Variants in SLC39A11 observed in about 807,000 individuals in gnomAD.
The protein encoded by SLC39A11 is zinc transporter ZIP11.
In SLC39A11, 33 loss-of-function variants were observed where a neutral mutation model predicts 36.1. That is an observed-to-expected ratio of 0.91 (90% CI 0.69 to 1.22). The LOEUF is 1.22. SLC39A11 is among the 50% of genes most tolerant of loss of function. SLC39A11 has a pLI of 0.00. For synonymous variants in SLC39A11, 166 were observed against 170.3 expected, an observed-to-expected ratio of 0.97 and a Z score of 0.20; for missense variants, 432 against 430.3, an observed-to-expected ratio of 1.00 and a Z score of -0.03.
intron 5 of SLC39A11, 147 bp downstream of exon 5, chr17:72,947,605 G>T: frequency 1.7e-6 from 2 of 1,158,080 alleles, no homozygotes; most frequent in Non-Finnish European, 1.2e-6. Context: ...TTAGCTCCAT[G>T]CAGTAGTAGG....
chr17:72,866,734 A>G (rs1372668918), intron 5 of SLC39A11, among the ~76,000 whole-genome samples: 1 of 152,242 alleles, frequency 6.6e-6, no homozygotes, highest in Non-Finnish European at 1.5e-5. Flanking sequence ...AAATCTTCAG[A>G]TGGATGAATG....
intron 7 of SLC39A11, among the ~76,000 whole-genome samples, chr17:72,727,470 G>A (rs967977507): frequency 1.3e-5 from 2 of 151,864 alleles, no homozygotes; most frequent in Non-Finnish European, 2.9e-5. Context: ...TGGCTAACAC[G>A]GTGAAACCCA....
intron 6 of SLC39A11, among the ~76,000 whole-genome samples, chr17:72,809,660 T>G (rs78477499): frequency 0.015 from 2,257 of 152,304 alleles, 53 homozygotes; most frequent in African/African-American, 0.052. Flanking sequence ...ACTCTTACTT[T>G]CATTTTAACG....
intron 4 of SLC39A11, among the ~76,000 whole-genome samples, chr17:72,962,488 G>T (rs1374211806): frequency 6.6e-6 from 1 of 152,158 alleles, no homozygotes; most frequent in Non-Finnish European, 1.5e-5. Context: ...CTTCAGGCTG[G>T]TGACCTCTCT....
intron 7 of SLC39A11, among the ~76,000 whole-genome samples, chr17:72,677,442 A>G (rs570143887): frequency 1.3e-5 from 2 of 152,226 alleles, no homozygotes; most frequent in Non-Finnish European, 2.9e-5. Context: ...ACATTCTGAG[A>G]ACCCAGATCT....
At chr17:72,671,167 C>G (rs1197718660) in intron 7 of SLC39A11, among the ~76,000 whole-genome samples, 5 of 152,166 alleles carry the variant, frequency 3.3e-5, no homozygotes, top group African/African-American at 9.7e-5. Flanking sequence ...CTCAAAAGAA[C>G]AGTTGCCCAG....
intron 4 of SLC39A11, among the ~76,000 whole-genome samples, chr17:72,997,797 T>A (rs2089605526): frequency 6.6e-6 from 1 of 152,232 alleles, no homozygotes; most frequent in African/African-American, 2.4e-5. Flanking sequence ...AGTAACCGTC[T>A]TGGTTATCAG....
At chr17:72,906,899 C>A (rs1054248884) in intron 5 of SLC39A11, among the ~76,000 whole-genome samples, 2 of 152,170 alleles carry the variant, frequency 1.3e-5, no homozygotes, top group Non-Finnish European at 2.9e-5. Flanking sequence ...ACAAATCCTG[C>A]CAGCAGTGCT....
intron 6 of SLC39A11, among the ~76,000 whole-genome samples, chr17:72,785,688 G>T (rs886850069): frequency 6.6e-6 from 1 of 152,324 alleles, no homozygotes; most frequent in East Asian, 1.9e-4. Flanking sequence ...CCACCACCGG[G>T]AGGGTGGAAA....
At chr17:72,911,254 C>T (rs895614598) in intron 5 of SLC39A11, among the ~76,000 whole-genome samples, 21 of 151,870 alleles carry the variant, frequency 1.4e-4, no homozygotes, top group East Asian at 9.7e-4. Context: ...CATCACACAC[C>T]GGGGCCTGTT....
chr17:73,033,354 G>A (rs866400028), intron 3 of SLC39A11, among the ~76,000 whole-genome samples: 3 of 152,258 alleles, frequency 2.0e-5, no homozygotes, highest in Admixed American at 6.5e-5. Flanking sequence ...ACTCAATGAC[G>A]GTAGAAACAT....
chr17:72,730,999 G>A (rs1192233043), intron 7 of SLC39A11, among the ~76,000 whole-genome samples: 3 of 152,154 alleles, frequency 2.0e-5, no homozygotes, highest in Admixed American at 6.5e-5. Context: ...TGATCCGCCC[G>A]CCTCGGCCTC....
chr17:73,020,095 A>T (rs957011549), intron 4 of SLC39A11, among the ~76,000 whole-genome samples: 1 of 152,178 alleles, frequency 6.6e-6, no homozygotes, highest in South Asian at 2.1e-4. Flanking sequence ...TGTTTGGAAA[A>T]TTTTCACCAT....
At chr17:72,667,096 T>G (rs940351992) in intron 7 of SLC39A11, among the ~76,000 whole-genome samples, 1 of 152,166 alleles carries the variant, frequency 6.6e-6, no homozygotes, top group African/African-American at 2.4e-5. Flanking sequence ...TAGCAGGGGA[T>G]GCCTGCAAGG....
At chr17:73,063,906 C>T (rs1482268597) in intron 3 of SLC39A11, among the ~76,000 whole-genome samples, 3 of 152,174 alleles carry the variant, frequency 2.0e-5, no homozygotes, top group Non-Finnish European at 4.4e-5. Flanking sequence ...TGTGTCCCTT[C>T]CTCCATCTTA....
intron 4 of SLC39A11, among the ~76,000 whole-genome samples, chr17:73,003,726 C>A (rs1451980155): frequency 6.6e-6 from 1 of 152,120 alleles, no homozygotes; most frequent in Non-Finnish European, 1.5e-5. Flanking sequence ...ACAAAGAAGG[C>A]CTGAGTCACC....
chr17:72,931,707 A>G (rs1278310959), intron 5 of SLC39A11, among the ~76,000 whole-genome samples: 1 of 152,178 alleles, frequency 6.6e-6, no homozygotes, highest in Non-Finnish European at 1.5e-5. Context: ...ACACTGCACA[A>G]CAAGCCTCTC....
At chr17:72,857,992 T>A (rs2079747349) in intron 5 of SLC39A11, among the ~76,000 whole-genome samples, 1 of 152,244 alleles carries the variant, frequency 6.6e-6, no homozygotes, top group Non-Finnish European at 1.5e-5. Context: ...AGATCCCATA[T>A]GTCAATTTTC....
At chr17:72,983,401 G>C (rs550886319) in intron 4 of SLC39A11, among the ~76,000 whole-genome samples, 1 of 152,132 alleles carries the variant, frequency 6.6e-6, no homozygotes. Context: ...CACCTGCCTC[G>C]GCCTCCCGAA....
Sources: allele counts gnomAD v4.1 joint callset (sites outside exome capture counted in the v4.1 genomes callset), GRCh38; gene constraint gnomAD v4.1.1; transcripts MANE v1.5; gene names NCBI Gene and HGNC (gene_info 2026-07-23, HGNC 2026-07-21).